Variants in DARS1 observed in about 807,000 individuals in gnomAD.
DARS1 encodes aspartate--tRNA ligase, cytoplasmic.
In DARS1, 51 loss-of-function variants were observed where a neutral mutation model predicts 68.8. That is an observed-to-expected ratio of 0.74 (90% CI 0.59 to 0.94). The LOEUF (loss-of-function observed/expected upper bound fraction) is 0.94, where lower values mean the gene tolerates loss of function less well. Ranked by LOEUF, DARS1 falls within the 40% of genes least tolerant of loss-of-function variation. DARS1 has a pLI of 0.00. For synonymous variants in DARS1, 203 were observed against 190.4 expected, an observed-to-expected ratio of 1.07 and a Z score of -0.55; for missense variants, 607 against 597.3, an observed-to-expected ratio of 1.02 and a Z score of -0.17.
intron 4 of DARS1, among the ~76,000 whole-genome samples, chr2:135,958,962 T>A (rs1682038680): frequency 6.6e-6 from 1 of 151,932 alleles, no homozygotes; most frequent in African/African-American, 2.4e-5. Context: ...AATAGCTGCA[T>A]GTCCTTTGCT....
At chr2:135,932,431 C>T (rs1305628593) in intron 7 of DARS1, among the ~76,000 whole-genome samples, 2 of 152,074 alleles carry the variant, frequency 1.3e-5, no homozygotes, top group Non-Finnish European at 2.9e-5. Flanking sequence ...CTCAAATGTG[C>T]ATGTAATTTT....
At chr2:135,939,985 A>G (rs1372838031) in intron 5 of DARS1, among the ~76,000 whole-genome samples, 1 of 152,216 alleles carries the variant, frequency 6.6e-6, no homozygotes, top group Admixed American at 6.5e-5. Context: ...CAATAGACCA[A>G]TAACAGGCTC....
intron 1 of DARS1, chr2:135,985,189 C>A: frequency 1.4e-6 from 1 of 723,990 alleles, no homozygotes; most frequent in Non-Finnish European, 2.1e-6. Context: ...TTCTAGTAGG[C>A]CAAACTCCCA....
rs1258886680 is a variant in DARS1 at position 135,985,603 on chromosome 2, G to T, written c.-135C>A. The T allele has an allele frequency of 6.6e-7, 1 of 1,524,954 alleles. No homozygotes were observed. Among genetic ancestry groups the T allele is most frequent in the Non-Finnish European group, 8.8e-7 (1 of 1,130,928 alleles). The allele number at this position is 1,524,954 out of a possible 1,614,324, so 94.5% of individuals were successfully genotyped here. The stretch of plus-strand genomic sequence containing the variant: ...CTCAGCACACGCGCTCGGACTCCGC[G>T]TGGAGGTGCGGCTCCAGAAAGATCG... On this transcript the variant is annotated 5_prime_UTR_variant, in exon 1 of 16. Transcript: ENST00000264161.
intron 2 of DARS1, chr2:135,980,380 G>A (rs755588262): frequency 6.6e-6 from 1 of 152,112 alleles, no homozygotes; most frequent in Non-Finnish European, 1.5e-5. Context: ...TTACAATATC[G>A]AGAATACCTT....
chr2:135,938,323 T>C (rs2104814711), intron 5 of DARS1, among the ~76,000 whole-genome samples: 1 of 152,360 alleles, frequency 6.6e-6, no homozygotes, highest in East Asian at 1.9e-4. Flanking sequence ...TCCTGTGCCA[T>C]GGTTTTCAGC....
rs569489164 is a variant in DARS1, at chr2:135,961,990, C to T, written c.218-492G>A. Among the ~76,000 whole-genome samples, 7 of 152,298 alleles carry T rather than the reference C, an allele frequency of 4.6e-5. No homozygotes were observed. The East Asian group carries it at 1.4e-3, about 29-fold the overall frequency. On this transcript the variant is annotated intron_variant, in intron 3 of 15. Coordinates refer to ENST00000264161, the MANE Select transcript of DARS1 (RefSeq NM_001349.4). ...GGGTGGTCCATCTACAGAGTTTCTT[C>T]CTACCAAAGTACATTTTAAAGAGCA...
chr2:135,961,340 G>A lies in DARS1; in HGVS notation c.320+56C>T, dbSNP rs1015207815. ...GTATGAAAATGGTCCAAACCCCTGG[G>A]AGTCTTGGTTCCCACCATTGTTTAT... is the stretch of plus-strand genomic sequence containing the variant. On this transcript the variant is annotated intron_variant, in intron 4 of 15. Transcript: ENST00000264161. 3.5e-6 allele frequency: 3 copies of A among 865,822 alleles called. No homozygotes were observed. In the Admixed American group the frequency reaches 5.3e-5, roughly 15 times the overall value. 53.6% of individuals were successfully genotyped at this position (865,822 alleles called of 1,614,324 possible).
intron 5 of DARS1, among the ~76,000 whole-genome samples, chr2:135,935,589 G>C (rs769016854): frequency 2.0e-5 from 3 of 152,080 alleles, no homozygotes; most frequent in Non-Finnish European, 4.4e-5. Context: ...GACACAGCGA[G>C]ACTCTGTCTC....
At chr2:135,908,978 T>C (rs1680843392) in intron 15 of DARS1, among the ~76,000 whole-genome samples, 1 of 152,220 alleles carries the variant, frequency 6.6e-6, no homozygotes, top group Non-Finnish European at 1.5e-5. Context: ...ATCATGTCCT[T>C]TGCAGGGACA....
chr2:135,931,614 A>C (rs1681350002), intron 7 of DARS1, among the ~76,000 whole-genome samples: 1 of 152,216 alleles, frequency 6.6e-6, no homozygotes, highest in South Asian at 2.1e-4. Context: ...CCCAAAATGT[A>C]AAGTCAAAGT....
intron 9 of DARS1, among the ~76,000 whole-genome samples, chr2:135,922,263 T>TAC (rs1287326946): frequency 6.6e-6 from 1 of 152,146 alleles, no homozygotes; most frequent in East Asian, 1.9e-4. Context: ...TAGACAGAGG[T>TAC]ACACTGTAAA....
intron 12 of DARS1, among the ~76,000 whole-genome samples, chr2:135,913,878 G>GCATTTTAA: frequency 6.6e-6 from 1 of 152,226 alleles, no homozygotes; most frequent in Admixed American, 6.5e-5. Context: ...GCATTTTAAA[G>GCATTTTAA]GTATAAACTG....
rs143560054 is a variant in DARS1, at chr2:135,913,753, C to T, written c.1149+716G>A. On this transcript the variant is annotated intron_variant, in intron 12 of 15. Transcript: ENST00000264161. ...AGCCTGGGCAACAAGAGCGAAACTC[C>T]GTCTCAAAAAAAAAAAAAATTACAT... Among the ~76,000 whole-genome samples, 1,297 of 149,538 alleles carry T rather than the reference C, an allele frequency of 8.7e-3. 12 individuals carry two copies. The highest frequency in any genetic ancestry group is 0.028 in the African/African-American group (1,158 of 40,730).
intron 15 of DARS1, among the ~76,000 whole-genome samples, chr2:135,908,288 G>C (rs113759327): frequency 3.1e-4 from 47 of 152,200 alleles, no homozygotes; most frequent in African/African-American, 1.1e-3. Flanking sequence ...TTAAAAAACA[G>C]CGTTAAAATA....
Position 135,916,262 on chromosome 2 carries a change from T to A in DARS1, c.1070A>T (p.Glu357Val). 1 of 1,595,768 alleles carries A rather than the reference T, an allele frequency of 6.3e-7. No individual in the cohort carries two copies. The highest frequency in any genetic ancestry group is 8.6e-7 in the Non-Finnish European group (1 of 1,163,310). The change falls in exon 11 of 16, where the codon GAA becomes GTA. Residue 357 changes from glutamate to valine, a missense_variant. Coordinates refer to ENST00000264161, the MANE Select transcript of DARS1 (RefSeq NM_001349.4). ...EYCEALAMLR[E>V]AGVEMGDEDD... Reference sequence around the variant, plus strand: ...TTCATCTCCCATTTCGACTCCAGCTTCCCTAAGCATAGCCAATGCTTCACA... The same window carrying A: ...TTCATCTCCCATTTCGACTCCAGCTACCCTAAGCATAGCCAATGCTTCACA...
At chr2:135,969,616 TAAAAAA>T (rs748237751) in intron 3 of DARS1, among the ~76,000 whole-genome samples, 1 of 139,090 alleles carries the variant, frequency 7.2e-6, no homozygotes, top group Admixed American at 7.2e-5. Context: ...AGCACTATAC[TAAAAAA>T]AAAAAAGCCA....
chr2:135,913,108 A>G (rs1005351828), intron 12 of DARS1, among the ~76,000 whole-genome samples: 1 of 150,698 alleles, frequency 6.6e-6, no homozygotes, highest in Non-Finnish European at 1.5e-5. Context: ...TCTAAATTAC[A>G]CTTTGATAAA....
At chr2:135,984,311 G>A (rs1682717715) in intron 1 of DARS1, among the ~76,000 whole-genome samples, 1 of 152,150 alleles carries the variant, frequency 6.6e-6, no homozygotes, top group Non-Finnish European at 1.5e-5. Flanking sequence ...CAGATTAAGA[G>A]TACACAAAAA....
Sources: gnomAD v4.1 joint callset for allele counts (sites outside exome capture counted in the v4.1 genomes callset) on GRCh38, gnomAD v4.1.1 for gene constraint, MANE v1.5 for transcripts, NCBI Gene and HGNC (gene_info 2026-07-23, HGNC 2026-07-21) for gene names.